SIAH3: variants seen among roughly 807,000 people sequenced by gnomAD.
SIAH3 encodes seven in absentia homolog 3.
SIAH3 carries 9 observed loss-of-function variants against 12.6 expected under a neutral mutation model. The observed-to-expected ratio is 0.72, with a 90% CI of 0.43 to 1.25. The LOEUF (loss-of-function observed/expected upper bound fraction) is 1.25. Ranked by LOEUF, SIAH3 falls within the 50% of genes most tolerant of loss-of-function variation. The pLI, the probability that SIAH3 is intolerant of heterozygous loss-of-function variation, is 0.00. For synonymous variants in SIAH3, 154 were observed against 151.1 expected, an observed-to-expected ratio of 1.02 and a Z score of -0.14; for missense variants, 390 against 365.4, an observed-to-expected ratio of 1.07 and a Z score of -0.55.
chr13:45,808,705 G>A lies in SIAH3; in HGVS notation c.136-24648C>T, dbSNP rs904886623. Among the ~76,000 whole-genome samples, 12 of 41,474 alleles carry A rather than the reference G, an allele frequency of 2.9e-4. No homozygotes were observed. In the East Asian group the frequency reaches 0.012, roughly 41 times the overall value. 27.2% of individuals were successfully genotyped at this position (41,474 alleles called of 152,430 possible). On this transcript the variant is annotated intron_variant, in intron 1 of 1. Transcript: ENST00000400405. ...ATAATAAACTTATGTCCATATGTAC[G>A]TGCATACTTTTATCTACCAGAACAT...
At chr13:45,821,577 A>G (rs1026124646) in intron 1 of SIAH3, among the ~76,000 whole-genome samples, 2 of 152,256 alleles carry the variant, frequency 1.3e-5, no homozygotes, top group African/African-American at 4.8e-5. Flanking sequence ...TTGGTGTCAT[A>G]AAAATAATTA....
At chr13:45,784,674 CTT>C (rs1251950655) in intron 1 of SIAH3, among the ~76,000 whole-genome samples, 1 of 151,764 alleles carries the variant, frequency 6.6e-6, no homozygotes, top group Non-Finnish European at 1.5e-5. Context: ...ACTCCTGAGA[CTT>C]TGCCGCACCA....
intron 1 of SIAH3, among the ~76,000 whole-genome samples, chr13:45,784,281 A>C (rs1000778928): frequency 6.6e-6 from 1 of 152,170 alleles, no homozygotes; most frequent in Non-Finnish European, 1.5e-5. Context: ...TCAGTCCAAG[A>C]AAATGCAGTA....
At chr13:45,842,393 G>A (rs181360843) in intron 1 of SIAH3, among the ~76,000 whole-genome samples, 1 of 152,268 alleles carries the variant, frequency 6.6e-6, no homozygotes, top group Admixed American at 6.5e-5. Flanking sequence ...ACCCAGGCTG[G>A]AGTGCAGTGG....
At chr13:45,787,676 G>A (rs1233644346) in intron 1 of SIAH3, among the ~76,000 whole-genome samples, 1 of 152,232 alleles carries the variant, frequency 6.6e-6, no homozygotes, top group African/African-American at 2.4e-5. Flanking sequence ...AGGGAATCTG[G>A]TGGAGATGGA....
chr13:45,792,547 G>A (rs551389211), intron 1 of SIAH3, among the ~76,000 whole-genome samples: 3 of 152,068 alleles, frequency 2.0e-5, no homozygotes, highest in African/African-American at 4.8e-5. Context: ...TAGTAGAGAC[G>A]GGATTTCACC....
chr13:45,812,493 CATT>C (rs1475969136), intron 1 of SIAH3, among the ~76,000 whole-genome samples: 1 of 152,158 alleles, frequency 6.6e-6, no homozygotes, highest in Non-Finnish European at 1.5e-5. Flanking sequence ...ACTCAAGGAA[CATT>C]ATTAATAGCA....
intron 1 of SIAH3, among the ~76,000 whole-genome samples, chr13:45,784,393 C>G (rs888798355): frequency 1.6e-4 from 18 of 115,890 alleles, no homozygotes; most frequent in African/African-American, 5.0e-4. Flanking sequence ...AGAACAAAGA[C>G]AGCTGTTTTT....
chr13:45,809,814 G>A (rs1536186), intron 1 of SIAH3, among the ~76,000 whole-genome samples: 46,564 of 152,038 alleles, frequency 0.31, 8,395 homozygotes, highest in Non-Finnish European at 0.41. Context: ...ATATTTTACA[G>A]ATGTCTGTAC....
intron 1 of SIAH3, among the ~76,000 whole-genome samples, chr13:45,797,458 T>C (rs781723800): frequency 3.4e-4 from 52 of 152,194 alleles, no homozygotes; most frequent in Admixed American, 6.5e-4. Flanking sequence ...CATGCACAGC[T>C]TCAACGGATC....
Position 45,778,450 on chromosome 13 carries a change from A to G in SIAH3, c.*4933T>C, listed in dbSNP as rs990082674. 25 of 152,226 alleles carry G rather than the reference A, an allele frequency of 1.6e-4. No individual in the cohort carries two copies. The highest frequency in any genetic ancestry group is 6.0e-4 in the African/African-American group (25 of 41,456). The allele number at this position is 152,226 out of a possible 1,614,324, so 9.4% of individuals were successfully genotyped here. ...AACAGCAATAGGGAAGTGTCCGGGG[A>G]GAAAGCAGAGGGTGCTCTGTGGCAG... On this transcript the variant is annotated 3_prime_UTR_variant, in exon 2 of 2. Coordinates refer to ENST00000400405, the MANE Select transcript of SIAH3 (RefSeq NM_198849.3).
Position 45,821,339 on chromosome 13 carries a change from C to T in SIAH3, c.135+30156G>A, listed in dbSNP as rs151215626. 8.9e-4 allele frequency among the ~76,000 whole-genome samples: 136 copies of T among 152,358 alleles called. 1 individual carries two copies. The highest frequency in any genetic ancestry group is 3.1e-3 in the African/African-American group (130 of 41,584). ...ACAGCCTAGAAGGAACAAGCCCTGC[C>T]AACACCTGGACTGTGAGACAATCAA... On this transcript the variant is annotated intron_variant, in intron 1 of 1. Coordinates refer to ENST00000400405, the MANE Select transcript of SIAH3 (RefSeq NM_198849.3).
chr13:45,833,064 A>G (rs1224027524), intron 1 of SIAH3, among the ~76,000 whole-genome samples: 1 of 152,224 alleles, frequency 6.6e-6, no homozygotes, highest in East Asian at 1.9e-4. Flanking sequence ...GGGAAACTGC[A>G]TAGGAACTGG....
At chr13:45,840,253 G>A (rs1950735494) in intron 1 of SIAH3, among the ~76,000 whole-genome samples, 1 of 151,898 alleles carries the variant, frequency 6.6e-6, no homozygotes, top group African/African-American at 2.4e-5. Context: ...GGGAAACTCT[G>A]GCCAAAAAAA....
At chr13:45,792,311 A>G (rs1410121488) in intron 1 of SIAH3, among the ~76,000 whole-genome samples, 1 of 151,978 alleles carries the variant, frequency 6.6e-6, no homozygotes, top group East Asian at 1.9e-4. Context: ...AAAGTGAGAC[A>G]GGTTGCTACC....
At chr13:45,824,868 ACT>A (rs1454158291) in intron 1 of SIAH3, among the ~76,000 whole-genome samples, 2 of 145,996 alleles carry the variant, frequency 1.4e-5, no homozygotes, top group East Asian at 2.0e-4. Flanking sequence ...ACAGAGCGAG[ACT>A]CTGTCTCAAA....
intron 1 of SIAH3, among the ~76,000 whole-genome samples, chr13:45,786,120 G>T (rs1382222111): frequency 2.0e-5 from 3 of 152,076 alleles, no homozygotes; most frequent in Admixed American, 6.5e-5. Flanking sequence ...TGGTCGGGGG[G>T]GTTTCTCCCC....
intron 1 of SIAH3, among the ~76,000 whole-genome samples, chr13:45,810,758 A>G (rs2137563935): frequency 6.6e-6 from 1 of 152,288 alleles, no homozygotes; most frequent in Middle Eastern, 3.4e-3. Context: ...TCAGTTATGG[A>G]TGGCTCTAGA....
chr13:45,817,900 C>T (rs1459818968), intron 1 of SIAH3, among the ~76,000 whole-genome samples: 5 of 152,214 alleles, frequency 3.3e-5, no homozygotes, highest in Admixed American at 6.5e-5. Context: ...GCCCCTTTTG[C>T]TGTCTATTGT....
Sources: gnomAD v4.1 joint callset for allele counts (sites outside exome capture counted in the v4.1 genomes callset) on GRCh38, gnomAD v4.1.1 for gene constraint, MANE v1.5 for transcripts, NCBI Gene and HGNC (gene_info 2026-07-23, HGNC 2026-07-21) for gene names.